SLC34A2: variants seen among roughly 807,000 people sequenced by gnomAD.
SLC34A2 encodes sodium-dependent phosphate transport protein 2B.
A neutral mutation model predicts 50.8 loss-of-function variants in SLC34A2; 41 were observed. The observed-to-expected ratio is 0.81, with a 90% confidence interval of 0.63 to 1.05. The LOEUF (loss-of-function observed/expected upper bound fraction) is 1.05. Ranked by LOEUF, SLC34A2 falls within the 50% of genes least tolerant of loss-of-function variation. The pLI, the probability that SLC34A2 is intolerant of heterozygous loss-of-function variation, is 0.00. For synonymous variants in SLC34A2, 401 were observed against 364.2 expected (o/e 1.10, Z -1.15); for missense variants, 879 against 876.7 (o/e 1.00, Z -0.03).
chr4:25,666,323 A>G, intron 5 of SLC34A2, 52 bp downstream of exon 5: 4 of 1,604,654 alleles, frequency 2.5e-6, no homozygotes, highest in Non-Finnish European at 3.4e-6. Context: ...TCTCCTGTCT[A>G]TCTGAGGGTG....
At position 25,673,262 on chromosome 4, in the gene SLC34A2, C is replaced by T; in HGVS notation, c.1216+8C>T. The T allele has an allele frequency of 6.3e-7, 1 of 1,583,744 alleles. No homozygotes were observed. Among genetic ancestry groups the T allele is most frequent in the Non-Finnish European group, 8.5e-7 (1 of 1,171,588 alleles). ...AGAAGACCATCAACACTGGTAGGTA[C>T]ACTGCCCTCACTTGTAGGCCTCACA... On this transcript the variant is annotated splice_region_variant and intron_variant, in intron 10 of 12. Coordinates refer to ENST00000382051, the MANE Select transcript of SLC34A2 (RefSeq NM_006424.3).
In SLC34A2 at chr4:25,674,867, G is replaced by T. The variant is rs1414958751; in HGVS notation, c.1458+238G>T. On this transcript the variant is annotated intron_variant, in intron 12 of 12. Transcript: ENST00000382051. ...TGGTGGTTGTTTCAGCAAAAGTGGGGTGGCCCCTTGATATAGATGTGGAAA... is the reference window on the plus strand; with the variant it reads ...TGGTGGTTGTTTCAGCAAAAGTGGGTTGGCCCCTTGATATAGATGTGGAAA... Among the ~76,000 whole-genome samples the T allele has an allele frequency of 4.6e-5, 7 of 152,246 alleles. No homozygotes were observed. The East Asian group carries it at 1.4e-3, about 29-fold the overall frequency.
At chr4:25,658,995 G>A (rs1162480132) in intron 1 of SLC34A2, among the ~76,000 whole-genome samples, 2 of 148,374 alleles carry the variant, frequency 1.3e-5, no homozygotes, top group Non-Finnish European at 3.0e-5. Flanking sequence ...GAATGATCAT[G>A]TGGGAGTGAC....
chr4:25,661,009 G>A (rs1714152209), intron 1 of SLC34A2, among the ~76,000 whole-genome samples: 1 of 152,226 alleles, frequency 6.6e-6, no homozygotes, highest in African/African-American at 2.4e-5. Context: ...CAAGTACCAT[G>A]TAACTGAGAA....
At chr4:25,667,341 G>A (rs546522538) in intron 5 of SLC34A2, among the ~76,000 whole-genome samples, 8 of 152,090 alleles carry the variant, frequency 5.3e-5, no homozygotes, top group South Asian at 2.1e-4. Context: ...GTGAAACCCC[G>A]TCTCTACTAA....
At chr4:25,675,695 A>C (rs1715071203) in intron 12 of SLC34A2, among the ~76,000 whole-genome samples, 1 of 152,224 alleles carries the variant, frequency 6.6e-6, no homozygotes. Context: ...AGCACATCTC[A>C]GTGTGGACAT....
At chr4:25,671,798 G>C in intron 9 of SLC34A2, 77 bp downstream of exon 9, 1 of 1,604,576 alleles carries the variant, frequency 6.2e-7, no homozygotes, top group Non-Finnish European at 8.5e-7. Context: ...TGAAGTCCCA[G>C]TAAGTGAAGG....
At chr4:25,661,874 CTTTTTTT>C (rs796086178) in intron 1 of SLC34A2, among the ~76,000 whole-genome samples, 1 of 138,478 alleles carries the variant, frequency 7.2e-6, no homozygotes, top group African/African-American at 2.6e-5. Context: ...CTGCCTTTTT[CTTTTTTT>C]TTTTTTTTGA....
At position 25,678,490 on chromosome 4, in the gene SLC34A2, GC is replaced by G. The variant is rs1301487203; in HGVS notation, c.*1742del. Reference sequence around the variant, plus strand: ...ATATGTAAGTTAAACCCGGGCAGGGGCTGTGGCCGTCTTTGTACTCTGGTGA... The same window carrying G: ...ATATGTAAGTTAAACCCGGGCAGGGGTGTGGCCGTCTTTGTACTCTGGTGA... On this transcript the variant is annotated 3_prime_UTR_variant, in exon 13 of 13. Transcript: ENST00000382051. 5.9e-6 allele frequency: 1 copy of G among 169,274 alleles called. No homozygotes were observed. Among genetic ancestry groups the G allele is most frequent in the East Asian group, 1.5e-4 (1 of 6,456 alleles). The allele number at this position is 169,274 out of a possible 1,614,324, so 10.5% of individuals were successfully genotyped here.
At chr4:25,671,497 G>C (rs1714810780) in intron 8 of SLC34A2, 104 bp from the exon 9 acceptor site, 2 of 1,391,440 alleles carry the variant, frequency 1.4e-6, no homozygotes, top group Admixed American at 3.3e-5. Context: ...CATACTGCAT[G>C]CACCATGGGT....
At chr4:25,671,785 G>A (rs774301610) in intron 9 of SLC34A2, 64 bp downstream of exon 9, 20 of 1,610,630 alleles carry the variant, frequency 1.2e-5, no homozygotes, top group South Asian at 1.1e-4. Flanking sequence ...CTATTTATCC[G>A]TGTGAAGTCC....
chr4:25,674,761 C>A, intron 12 of SLC34A2, 132 bp downstream of exon 12: 1 of 1,221,026 alleles, frequency 8.2e-7, no homozygotes, highest in Non-Finnish European at 1.1e-6. Flanking sequence ...GGAGGGGAAG[C>A]CACGGGTAAA....
At chr4:25,674,728 T>A in intron 12 of SLC34A2, 99 bp downstream of exon 12, 1 of 1,496,572 alleles carries the variant, frequency 6.7e-7, no homozygotes, top group Non-Finnish European at 9.1e-7. Context: ...CTCTGTACTA[T>A]CCAAAATATG....
intron 9 of SLC34A2, 32 bp from the exon 10 acceptor site, chr4:25,673,055 C>A (rs1458202712): frequency 3.1e-6 from 5 of 1,611,882 alleles, no homozygotes; most frequent in Non-Finnish European, 4.2e-6. Flanking sequence ...TGGCTCCATG[C>A]CCTCCTGACA....
rs1714593719 is a variant in SLC34A2 at position 25,667,984 on chromosome 4, T to A, written c.628T>A (p.Phe210Ile). ...CATGCAGGTGGGAGATCGGAGTGAG[T>A]TCAGAAGGTAAGAGGCTCAAAACCA... ...ALMQVGDRSE[F>I]RRAFAGATVH... is the part of the protein sequence containing the mutation. Residue 210 changes from phenylalanine to isoleucine, a missense_variant, in exon 6 of 13, where the codon TTC becomes ATC. Coordinates refer to ENST00000382051, the MANE Select transcript of SLC34A2 (RefSeq NM_006424.3). 1 of 1,607,494 alleles carries A rather than the reference T, an allele frequency of 6.2e-7. No individual in the cohort carries two copies. Among genetic ancestry groups the A allele is most frequent in the African/African-American group, 1.3e-5 (1 of 74,712 alleles).
Position 25,670,788 on chromosome 4 carries a change from A to G in SLC34A2, c.882A>G (p.Lys294=). 1 of 1,614,148 alleles carries G rather than the reference A, an allele frequency of 6.2e-7. No individual in the cohort carries two copies. Among genetic ancestry groups the G allele is most frequent in the Non-Finnish European group, 8.5e-7 (1 of 1,179,970 alleles). The part of the protein sequence containing the change: ...SQIAMNDEKA[K]NKSLVKIWCK... ...TTGCAATGAACGATGAAAAAGCGAA[A>G]AACAAGAGTCTTGTCAAGATTTGGT... Residue 294 remains lysine (K), a synonymous_variant, in exon 8 of 13, where the codon AAA becomes AAG. Transcript: ENST00000382051.
chr4:25,672,197 A>G (rs552988837), intron 9 of SLC34A2, among the ~76,000 whole-genome samples: 473 of 152,302 alleles, frequency 3.1e-3, no homozygotes, highest in Middle Eastern at 6.8e-3. Context: ...AAAAGTAGGC[A>G]TGGTGGCTCA....
Position 25,678,333 on chromosome 4 carries a change from G to C in SLC34A2, c.*1584G>C, listed in dbSNP as rs1715263097. ...TCATAAGTTATATAGTAAATGGTCT[G>C]CATGATTTGTGCTTCTAGTGCTCTC... is the stretch of plus-strand genomic sequence containing the variant. On this transcript the variant is annotated 3_prime_UTR_variant, in exon 13 of 13. Coordinates refer to ENST00000382051, the MANE Select transcript of SLC34A2 (RefSeq NM_006424.3). 1 of 146,940 alleles carries C rather than the reference G, an allele frequency of 6.8e-6. No homozygotes were observed. The highest frequency in any genetic ancestry group is 3.0e-5 in the African/African-American group (1 of 33,440). 9.1% of individuals were successfully genotyped at this position (146,940 alleles called of 1,614,324 possible).
intron 5 of SLC34A2, 34 bp from the exon 6 acceptor site, chr4:25,667,846 C>T (rs757426094): frequency 6.8e-7 from 1 of 1,477,440 alleles, no homozygotes; most frequent in South Asian, 1.1e-5. Context: ...GGCTGCCTTT[C>T]TAAGCTTGCT....
Sources: allele counts gnomAD v4.1 joint callset (sites outside exome capture counted in the v4.1 genomes callset), GRCh38; gene constraint gnomAD v4.1.1; transcripts MANE v1.5; gene names NCBI Gene and HGNC (gene_info 2026-07-23, HGNC 2026-07-21).